FPGT: variants seen among roughly 807,000 people sequenced by gnomAD.
FPGT encodes GDP-L-fucose diphosphorylase.
A neutral mutation model predicts 45.8 loss-of-function variants in FPGT; 41 were observed. The observed-to-expected ratio is 0.90, with a 90% CI of 0.70 to 1.16. The LOEUF (loss-of-function observed/expected upper bound fraction) is 1.16. FPGT is among the 50% of genes most tolerant of loss of function. FPGT has a pLI of 0.00. For missense variants in FPGT, 755 were observed against 689.1 expected, an observed-to-expected ratio of 1.10 and a Z score of -1.07; for synonymous variants, 292 against 247.2, an observed-to-expected ratio of 1.18 and a Z score of -1.70.
rs898073175 is a variant in FPGT at position 74,207,543 on chromosome 1, AC to A, written c.*1714del. 1.6e-4 allele frequency among the ~76,000 whole-genome samples: 24 copies of A among 151,928 alleles called. No homozygotes were observed. Among genetic ancestry groups the A allele is most frequent in the African/African-American group, 5.1e-4 (21 of 41,398 alleles). On this transcript the variant is annotated 3_prime_UTR_variant, in exon 4 of 4. Transcript: ENST00000370898. The stretch of plus-strand genomic sequence containing the variant: ...GACCCACACTCCTGCAAGATTTGAT[AC>A]CCTTCTATTTGGCAAAACTCAGTTT...
In FPGT at chr1:74,198,794, A is replaced by C. The variant is rs549150736; in HGVS notation, c.82+434A>C. 5.4e-5 allele frequency among the ~76,000 whole-genome samples: 8 copies of C among 149,510 alleles called. No homozygotes were observed. The South Asian group carries it at 1.8e-3, about 33-fold the overall frequency. ...AACCGTTTGTTGAGGGAGTAACAGA[A>C]CATGGAGGAATTATGGATTAAAAAT... On this transcript the variant is annotated intron_variant, in intron 1 of 3. Coordinates refer to ENST00000370898, the MANE Select transcript of FPGT (RefSeq NM_003838.5).
In FPGT at chr1:74,205,482, A is replaced by G; in HGVS notation, c.1435A>G (p.Lys479Glu). The G allele has an allele frequency of 6.2e-7, 1 of 1,613,604 alleles. No individual in the cohort carries two copies. The highest frequency in any genetic ancestry group is 1.1e-5 in the South Asian group (1 of 91,062). The change falls in exon 4 of 4, where the codon AAG becomes GAG. Residue 479 changes from lysine to glutamate, a missense_variant. By Grantham distance (56) the Lys-to-Glu change is moderately conservative. Transcript: ENST00000370898. ...MAFGVQDNLK[K>E]SVKTLSDIKL... ...ATTTGGAGTGCAAGACAACTTGAAAAAGAGTGTGAAAACATTGTCAGATAT... is the reference window on the plus strand; with the variant it reads ...ATTTGGAGTGCAAGACAACTTGAAAGAGAGTGTGAAAACATTGTCAGATAT...
At chr1:74,203,124 T>A (rs1651944577) in intron 3 of FPGT, among the ~76,000 whole-genome samples, 1 of 152,240 alleles carries the variant, frequency 6.6e-6, no homozygotes, top group Non-Finnish European at 1.5e-5. Context: ...TATTATATAC[T>A]ATATACATAA....
intron 1 of FPGT, 179 bp downstream of exon 1, chr1:74,198,539 T>C: frequency 1.3e-6 from 1 of 771,034 alleles, no homozygotes; most frequent in South Asian, 1.9e-5. Flanking sequence ...CTGTCCCTGC[T>C]TGACATGCTT....
intron 3 of FPGT, 38 bp downstream of exon 3, chr1:74,201,448 G>T: frequency 7.2e-7 from 1 of 1,395,490 alleles, no homozygotes; most frequent in Non-Finnish European, 9.9e-7. Flanking sequence ...TTTCTTTTTA[G>T]TCTTCCACCT....
At chr1:74,201,582 A>G (rs192647935) in intron 3 of FPGT, among the ~76,000 whole-genome samples, 172 bp downstream of exon 3, 1 of 152,248 alleles carries the variant, frequency 6.6e-6, no homozygotes, top group Non-Finnish European at 1.5e-5. Flanking sequence ...TTAGGTTGTA[A>G]GTAGTATAGT....
chr1:74,200,497 C>CTTTTTTTTTTT (rs202228945), intron 2 of FPGT, among the ~76,000 whole-genome samples: 35 of 106,546 alleles, frequency 3.3e-4, no homozygotes, highest in African/African-American at 4.7e-4. Flanking sequence ...GTTATTATTT[C>CTTTTTTTTTTT]TTTTTTTTTT....
At chr1:74,199,359 A>G (rs1048953295) in intron 1 of FPGT, among the ~76,000 whole-genome samples, 2 of 152,218 alleles carry the variant, frequency 1.3e-5, no homozygotes, top group East Asian at 3.9e-4. Context: ...TGGCAAGTTA[A>G]AAGTCGCTCT....
chr1:74,204,917 A>G lies in FPGT; in HGVS notation c.870A>G (p.Lys290=). ...SAKMLLAFYE[K]IGTLSCEIDA... The stretch of plus-strand genomic sequence containing the variant: ...AAATGTTACTTGCTTTTTATGAAAA[A>G]ATAGGCACACTGAGCTGTGAAATAG... The change falls in exon 4 of 4, where the codon AAA becomes AAG. Residue 290 remains lysine (K), a synonymous_variant. Transcript: ENST00000370898. 6.2e-7 allele frequency: 1 copy of G among 1,613,942 alleles called. No homozygotes were observed. The highest frequency in any genetic ancestry group is 8.5e-7 in the Non-Finnish European group (1 of 1,179,936).
At position 74,205,958 on chromosome 1, in the gene FPGT, T is replaced by G; in HGVS notation, c.*126T>G. 1 of 581,778 alleles carries G rather than the reference T, an allele frequency of 1.7e-6. No individual in the cohort carries two copies. The highest frequency in any genetic ancestry group is 2.5e-5 in the South Asian group (1 of 39,642). 36.0% of individuals were successfully genotyped at this position (581,778 alleles called of 1,614,324 possible). A position where few individuals can be genotyped will look rare whatever the true frequency, so the allele number is the denominator to read the frequency against. Reference sequence around the variant, plus strand: ...TTAACATAATTGTTGTAGCATAATATTAATAGTGCAAAAGTACATATAAGT... The same window carrying G: ...TTAACATAATTGTTGTAGCATAATAGTAATAGTGCAAAAGTACATATAAGT... On this transcript the variant is annotated 3_prime_UTR_variant, in exon 4 of 4. Transcript: ENST00000370898.
At position 74,204,544 on chromosome 1, in the gene FPGT, G is replaced by A. The variant is rs1408220910; in HGVS notation, c.497G>A (p.Cys166Tyr). 4 of 1,608,692 alleles carry A rather than the reference G, an allele frequency of 2.5e-6. No individual in the cohort carries two copies. In the South Asian group the frequency reaches 4.4e-5, roughly 18 times the overall value. ...ATGAATCCTGGAATTCTGGTTACCT[G>A]TGCAGATGATATTGAACTTTATAGT... ...LNMNPGILVT[C>Y]ADDIELYSIG... is the part of the protein sequence containing the mutation. The change falls in exon 4 of 4, where the codon TGT (cysteine) becomes TAT (tyrosine). Residue 166 changes from cysteine (C) to tyrosine (Y), a missense_variant. By Grantham distance (194) the Cys-to-Tyr change is radical. Transcript: ENST00000370898.
In FPGT at chr1:74,205,414, T is replaced by C; in HGVS notation, c.1367T>C (p.Leu456Ser). 6.2e-7 allele frequency: 1 copy of C among 1,614,014 alleles called. No homozygotes were observed. Among genetic ancestry groups the C allele is most frequent in the Non-Finnish European group, 8.5e-7 (1 of 1,179,846 alleles). Reference protein sequence around the residue: ...ALPAHSFVCSLSLKMNRCLKY... With the variant: ...ALPAHSFVCSSSLKMNRCLKY... ...CCCGCACATTCTTTTGTATGTTCCT[T>C]AAGCTTAAAGATGAATAGATGCTTA... The change falls in exon 4 of 4, where the codon TTA becomes TCA. Residue 456 changes from leucine (L) to serine (S), a missense_variant. Leu to Ser is a moderately radical substitution (Grantham distance 145). Transcript: ENST00000370898.
chr1:74,206,042 G>A lies in FPGT; in HGVS notation c.*210G>A. ...AGAAAAGAGATACTATTTTGGATGT[G>A]TATCAGTATTTTTGTTTTTAATAAT... On this transcript the variant is annotated 3_prime_UTR_variant, in exon 4 of 4. Coordinates refer to ENST00000370898, the MANE Select transcript of FPGT (RefSeq NM_003838.5). 7.6e-6 allele frequency: 3 copies of A among 394,582 alleles called. No homozygotes were observed. Among genetic ancestry groups the A allele is most frequent in the Non-Finnish European group, 1.3e-5 (3 of 222,638 alleles). 24.4% of individuals were successfully genotyped at this position (394,582 alleles called of 1,614,324 possible).
chr1:74,201,913 G>T, intron 3 of FPGT, among the ~76,000 whole-genome samples: 1 of 152,128 alleles, frequency 6.6e-6, no homozygotes, highest in East Asian at 1.9e-4. Flanking sequence ...CCTTAATGGG[G>T]ATTCTTGCTT....
chr1:74,205,022 AG>A lies in FPGT; in HGVS notation c.976del (p.Glu326LysfsTer6). 6.2e-7 allele frequency: 1 copy of A among 1,613,866 alleles called. No individual in the cohort carries two copies. Among genetic ancestry groups the A allele is most frequent in the Non-Finnish European group, 8.5e-7 (1 of 1,179,840 alleles). ...CCAGAAACACATCAAATGTCATTAA[AG>A]AAGAGTCAGAGTTGGTAGAAATGAG... ...YTRNTSNVIKEESELVEMRQR... is the reference protein window; with the variant it reads ...YTRNTSNVIKXESELVEMRQR... On this transcript the variant is annotated frameshift_variant, in exon 4 of 4. Coordinates refer to ENST00000370898, the MANE Select transcript of FPGT (RefSeq NM_003838.5). LOFTEE classifies it high-confidence loss of function.
At chr1:74,199,085 A>T (rs959122536) in intron 1 of FPGT, among the ~76,000 whole-genome samples, 1 of 152,220 alleles carries the variant, frequency 6.6e-6, no homozygotes, top group African/African-American at 2.4e-5. Flanking sequence ...TAAAGATGTC[A>T]TCAGAGAGTT....
Position 74,205,037 on chromosome 1 carries a change from G to A in FPGT, c.990G>A (p.Leu330=). 2.5e-6 allele frequency: 4 copies of A among 1,613,324 alleles called. No individual in the cohort carries two copies. Among genetic ancestry groups the A allele is most frequent in the Non-Finnish European group, 3.4e-6 (4 of 1,179,514 alleles). The part of the protein sequence containing the change: ...TSNVIKEESE[L]VEMRQRIFHL... ...ATGTCATTAAAGAAGAGTCAGAGTT[G>A]GTAGAAATGAGGCAGAGAATATTTC... The change falls in exon 4 of 4, where the codon TTG becomes TTA. Residue 330 remains leucine (L), a synonymous_variant. Coordinates refer to ENST00000370898, the MANE Select transcript of FPGT (RefSeq NM_003838.5).
rs959431855 is a variant in FPGT at position 74,208,633 on chromosome 1, C to G, written c.*2801C>G. On this transcript the variant is annotated 3_prime_UTR_variant, in exon 4 of 4. Transcript: ENST00000370898. ...TAATCTTTTACCTTAGGCATTTATT[C>G]TCTAAGCAAAGCAGAAATAAAGGAT... is the stretch of plus-strand genomic sequence containing the variant. 3.9e-5 allele frequency among the ~76,000 whole-genome samples: 6 copies of G among 151,978 alleles called. No homozygotes were observed. Among genetic ancestry groups the G allele is most frequent in the Non-Finnish European group, 5.9e-5 (4 of 67,958 alleles).
Position 74,205,095 on chromosome 1 carries a change from G to A in FPGT, c.1048G>A (p.Val350Ile), listed in dbSNP as rs762425678. ...LLKGTSLNVVVLNNSKFYHIG... is the reference protein window; with the variant it reads ...LLKGTSLNVVILNNSKFYHIG... The stretch of plus-strand genomic sequence containing the variant: ...TAAAGGAACATCACTAAATGTTGTT[G>A]TTCTTAATAACTCCAAATTTTATCA... Residue 350 changes from valine (V) to isoleucine (I), a missense_variant, in exon 4 of 4, where the codon GTT (valine) becomes ATT (isoleucine). Transcript: ENST00000370898. The A allele has an allele frequency of 6.2e-7, 1 of 1,613,688 alleles. No homozygotes were observed. Among genetic ancestry groups the A allele is most frequent in the East Asian group, 2.2e-5 (1 of 44,880 alleles).
Sources: allele counts gnomAD v4.1 joint callset (sites outside exome capture counted in the v4.1 genomes callset), GRCh38; gene constraint gnomAD v4.1.1; transcripts MANE v1.5; gene names NCBI Gene and HGNC (gene_info 2026-07-23, HGNC 2026-07-21).